The following UNC79 variants were observed in gnomAD, a reference collection of about 807,000 sequenced individuals.
The protein encoded by UNC79 is unc-79 subunit of NALCN channel complex, also known as protein unc-79 homolog.
UNC79 carries 37 observed loss-of-function variants against 283.1 expected under a neutral mutation model. The ratio of observed to expected loss-of-function variants is 0.13; its 90% CI spans 0.10 to 0.17. UNC79 has a LOEUF of 0.17. Ranked by LOEUF, UNC79 falls within the 10% of genes least tolerant of loss-of-function variation. UNC79 has a pLI of 1.00. For synonymous variants in UNC79, 1,107 were observed against 1,200.2 expected (o/e 0.92, Z 1.61); for missense variants, 2,272 against 3,211.1 (o/e 0.71, Z 7.07).
intron 1 of UNC79, among the ~76,000 whole-genome samples, chr14:93,390,944 A>G (rs564594269): frequency 6.6e-6 from 1 of 152,236 alleles, no homozygotes; most frequent in African/African-American, 2.4e-5. Flanking sequence ...TGTTTCCTGC[A>G]TTTGTTTAGA....
intron 40 of UNC79, among the ~76,000 whole-genome samples, chr14:93,669,724 C>T (rs1177632601): frequency 6.6e-6 from 1 of 152,082 alleles, no homozygotes; most frequent in Non-Finnish European, 1.5e-5. Flanking sequence ...TAGCGCATGC[C>T]TGTAGTTCCA....
chr14:93,342,090 C>G (rs1339400475), intron 1 of UNC79, among the ~76,000 whole-genome samples: 2 of 152,322 alleles, frequency 1.3e-5, no homozygotes, highest in East Asian at 3.9e-4. Context: ...GTAGTAGAGA[C>G]TCTGTGTGGG....
intron 14 of UNC79, among the ~76,000 whole-genome samples, chr14:93,567,328 C>T (rs967943533): frequency 2.0e-5 from 3 of 152,178 alleles, no homozygotes; most frequent in Admixed American, 6.5e-5. Flanking sequence ...CAGGTTCAAG[C>T]GATTCTCCTG....
rs549836215 is a variant in UNC79 at position 93,583,417 on chromosome 14, A to G, written c.2803+1073A>G. On this transcript the variant is annotated intron_variant, in intron 20 of 48. Transcript: ENST00000555664. ...GCTTGGCATCATTTCTTCAGTGAGCAGCAGATATTATTAGGGGACTGTTTT... is the reference window on the plus strand; with the variant it reads ...GCTTGGCATCATTTCTTCAGTGAGCGGCAGATATTATTAGGGGACTGTTTT... Among the ~76,000 whole-genome samples, 5 of 152,318 alleles carry G rather than the reference A, an allele frequency of 3.3e-5. No individual in the cohort carries two copies. In the South Asian group the frequency reaches 1.0e-3, roughly 32 times the overall value.
chr14:93,477,776 A>G, intron 4 of UNC79, 48 bp downstream of exon 4: 2 of 1,560,194 alleles, frequency 1.3e-6, no homozygotes, highest in Non-Finnish European at 1.7e-6. Context: ...GTATGATATG[A>G]ATGGAAATTG....
intron 1 of UNC79, among the ~76,000 whole-genome samples, chr14:93,383,353 G>A (rs1045733676): frequency 1.3e-5 from 2 of 152,112 alleles, no homozygotes; most frequent in Non-Finnish European, 2.9e-5. Flanking sequence ...AAAAAATGTT[G>A]TCTAATAATC....
intron 7 of UNC79, among the ~76,000 whole-genome samples, chr14:93,506,517 A>G (rs1265555220): frequency 6.6e-6 from 1 of 152,322 alleles, no homozygotes; most frequent in East Asian, 1.9e-4. Context: ...TCTATAAAAA[A>G]TTGACTATCA....
intron 14 of UNC79, among the ~76,000 whole-genome samples, chr14:93,543,254 A>G (rs1219955441): frequency 6.6e-6 from 1 of 151,950 alleles, no homozygotes; most frequent in Non-Finnish European, 1.5e-5. Flanking sequence ...GCCATTTGAA[A>G]TGCCAAAAAG....
intron 38 of UNC79, among the ~76,000 whole-genome samples, chr14:93,656,440 A>G (rs926567909): frequency 2.0e-5 from 3 of 151,256 alleles, no homozygotes; most frequent in Admixed American, 1.3e-4. Flanking sequence ...CCTCGTCTCT[A>G]CGAAAGATTA....
intron 2 of UNC79, among the ~76,000 whole-genome samples, chr14:93,472,660 C>T (rs1485735165): frequency 1.3e-5 from 2 of 151,998 alleles, no homozygotes; most frequent in East Asian, 1.9e-4. Flanking sequence ...ATATTTTGCA[C>T]TAAGAGCAAA....
At position 93,621,314 on chromosome 14, in the gene UNC79, C is replaced by T. The variant is rs1226702213; in HGVS notation, c.4388-307C>T. 1.3e-5 allele frequency among the ~76,000 whole-genome samples: 2 copies of T among 152,110 alleles called. No individual in the cohort carries two copies. The highest frequency in any genetic ancestry group is 6.5e-5 in the Admixed American group (1 of 15,276). ...TTCCACACGATTTGAATACAGTTTC[C>T]TAGATCTGCCTCAGCCAAAAAATGA... On this transcript the variant is annotated intron_variant, in intron 29 of 48. Coordinates refer to ENST00000555664, the Ensembl canonical transcript of UNC79. This position sits in a 1 kb window ranked among gnomAD's most constrained non-coding sequence, Gnocchi z 4.8.
At chr14:93,676,305 T>C (rs950079903) in intron 41 of UNC79, among the ~76,000 whole-genome samples, 2 of 152,082 alleles carry the variant, frequency 1.3e-5, no homozygotes. Context: ...AGCTATCCAC[T>C]CATCTTCGCC....
chr14:93,391,275 GA>G (rs146380510), intron 1 of UNC79, among the ~76,000 whole-genome samples: 2 of 150,024 alleles, frequency 1.3e-5, no homozygotes, highest in South Asian at 2.1e-4. Flanking sequence ...GAAAGAAAAG[GA>G]AAAAAAAAGG....
intron 14 of UNC79, among the ~76,000 whole-genome samples, chr14:93,560,797 G>A (rs2062498361): frequency 6.6e-6 from 1 of 152,000 alleles, no homozygotes; most frequent in African/African-American, 2.4e-5. Flanking sequence ...AAGATGAGAA[G>A]GAATGCTGAA....
At chr14:93,622,292 G>C in exon 30 of UNC79, 1 of 1,614,162 alleles carries the variant, frequency 6.2e-7, no homozygotes, top group East Asian at 2.2e-5. Flanking sequence ...GCTTGTACAA[G>C]TAAGTGTGGA....
intron 35 of UNC79, among the ~76,000 whole-genome samples, chr14:93,650,864 A>G (rs1315656387): frequency 6.6e-6 from 1 of 152,192 alleles, no homozygotes; most frequent in Non-Finnish European, 1.5e-5. Flanking sequence ...GTTTACTTCC[A>G]AGTCATGCAG....
intron 40 of UNC79, 26 bp downstream of exon 43, chr14:93,662,740 C>A: frequency 6.5e-7 from 1 of 1,535,442 alleles, no homozygotes; most frequent in Non-Finnish European, 8.9e-7. Context: ...TATGTGTGTT[C>A]CTGTGAAACT....
chr14:93,670,847 A>G (rs2072771973), intron 40 of UNC79, among the ~76,000 whole-genome samples: 1 of 152,228 alleles, frequency 6.6e-6, no homozygotes, highest in African/African-American at 2.4e-5. Flanking sequence ...TTAGCATACA[A>G]AAAGAATCAG....
At chr14:93,660,561 A>G (rs5012149) in intron 39 of UNC79, among the ~76,000 whole-genome samples, 10,723 of 81,852 alleles carry the variant, frequency 0.13, 788 homozygotes, top group East Asian at 0.22. Flanking sequence ...ATATATATAT[A>G]TATGTGTGTG....
Sources: gnomAD v4.1 joint callset for allele counts (sites outside exome capture counted in the v4.1 genomes callset) on GRCh38, gnomAD v4.1.1 for gene constraint, Gnocchi (gnomAD v3.1) non-coding constraint, MANE v1.5 for transcripts, NCBI Gene and HGNC (gene_info 2026-07-23, HGNC 2026-07-21) for gene names.